STAG1: variants seen among roughly 807,000 people sequenced by gnomAD.
The protein encoded by STAG1 is STAG1 cohesin complex component.
Under a neutral mutation model 170.9 loss-of-function variants are expected in STAG1, and 26 were observed. That is an observed-to-expected ratio of 0.15 (90% CI 0.11 to 0.21). STAG1 has a LOEUF of 0.21. Ranked by LOEUF, STAG1 falls within the 10% of genes least tolerant of loss-of-function variation. STAG1 has a pLI of 1.00. For missense variants in STAG1, 964 were observed against 1,509.5 expected, an observed-to-expected ratio of 0.64 and a Z score of 5.99; for synonymous variants, 514 against 497.7, an observed-to-expected ratio of 1.03 and a Z score of -0.44.
chr3:136,560,428 T>C (rs1936795772), intron 5 of STAG1, among the ~76,000 whole-genome samples: 1 of 152,240 alleles, frequency 6.6e-6, no homozygotes, highest in Non-Finnish European at 1.5e-5. Context: ...ATCTTCATTT[T>C]GCTATGCATA....
At chr3:136,477,447 T>A in intron 9 of STAG1, 35 bp from the exon 10 acceptor site, 1 of 1,562,894 alleles carries the variant, frequency 6.4e-7, no homozygotes, top group Non-Finnish European at 8.6e-7. Flanking sequence ...CTCAAATTAA[T>A]ATACAAAGCT....
chr3:136,622,515 TG>T (rs1939913143), intron 3 of STAG1, among the ~76,000 whole-genome samples: 1 of 152,168 alleles, frequency 6.6e-6, no homozygotes, highest in South Asian at 2.1e-4. Flanking sequence ...GTTCATTATA[TG>T]ATGTCTCCTA....
chr3:136,730,485 T>C (rs1424634050), intron 1 of STAG1, among the ~76,000 whole-genome samples: 11 of 152,206 alleles, frequency 7.2e-5, no homozygotes, highest in Admixed American at 1.3e-4. Context: ...GCCTGTGAAA[T>C]AGGAATAATA....
chr3:136,706,649 T>C (rs572184513), intron 1 of STAG1, among the ~76,000 whole-genome samples: 1 of 152,326 alleles, frequency 6.6e-6, no homozygotes, highest in East Asian at 1.9e-4. Flanking sequence ...CAAAACAACG[T>C]ACAGATTCGG....
In STAG1 at chr3:136,738,816, T is replaced by C. The variant is rs559305824; in HGVS notation, c.-84+13379A>G. Among the ~76,000 whole-genome samples the C allele has an allele frequency of 7.9e-5, 12 of 152,294 alleles. No individual in the cohort carries two copies. In the South Asian group the frequency reaches 1.0e-3, roughly 13 times the overall value. On this transcript the variant is annotated intron_variant, in intron 1 of 33. Coordinates refer to ENST00000383202, the MANE Select transcript of STAG1 (RefSeq NM_005862.3). ...GTGTTTTCACCACACCAAATAAATATGTGAAGAAAAGTATATATTAATTAA... is the reference window on the plus strand; with the variant it reads ...GTGTTTTCACCACACCAAATAAATACGTGAAGAAAAGTATATATTAATTAA...
At chr3:136,466,549 G>A (rs1042238510) in intron 12 of STAG1, among the ~76,000 whole-genome samples, 8 of 152,186 alleles carry the variant, frequency 5.3e-5, no homozygotes, top group Admixed American at 1.3e-4. Flanking sequence ...AAAGTGACAG[G>A]AAGAATGGAA....
At chr3:136,654,262 G>A (rs959615451) in intron 1 of STAG1, among the ~76,000 whole-genome samples, 45 of 152,046 alleles carry the variant, frequency 3.0e-4, no homozygotes, top group Non-Finnish European at 5.4e-4. Flanking sequence ...ACACATAAAA[G>A]CTTTAGAATA....
chr3:136,518,427 A>G, intron 7 of STAG1: 1 of 700,270 alleles, frequency 1.4e-6, no homozygotes. Context: ...TGCAAAGTGA[A>G]TAAAAATGAT....
rs1467610506 is a variant in STAG1, at chr3:136,743,297, G to A, written c.-84+8898C>T. Among the ~76,000 whole-genome samples, 21 of 152,008 alleles carry A rather than the reference G, an allele frequency of 1.4e-4. No individual in the cohort carries two copies. In the East Asian group the frequency reaches 3.9e-3, roughly 28 times the overall value. On this transcript the variant is annotated intron_variant, in intron 1 of 33. Coordinates refer to ENST00000383202, the MANE Select transcript of STAG1 (RefSeq NM_005862.3). ...GCAGGAGAATCAGTTGAACCCAGGA[G>A]GCGGAAGTTACAGTGAGCTAAGATT... is the stretch of plus-strand genomic sequence containing the variant.
intron 1 of STAG1, among the ~76,000 whole-genome samples, chr3:136,698,420 G>A (rs1942960193): frequency 6.6e-6 from 1 of 152,096 alleles, no homozygotes; most frequent in Non-Finnish European, 1.5e-5. Context: ...TCAGGGAAAT[G>A]CAAATTAAAA....
chr3:136,397,481 T>C (rs1258793446), intron 22 of STAG1, among the ~76,000 whole-genome samples: 1 of 151,998 alleles, frequency 6.6e-6, no homozygotes, highest in Non-Finnish European at 1.5e-5. Context: ...CAAAATAGTA[T>C]GAATTCAGGT....
chr3:136,723,515 G>A (rs1361575086), intron 1 of STAG1, among the ~76,000 whole-genome samples: 3 of 152,086 alleles, frequency 2.0e-5, no homozygotes, highest in Admixed American at 6.5e-5. Flanking sequence ...CATCTGGGAA[G>A]TGAGGAGCGT....
intron 4 of STAG1, among the ~76,000 whole-genome samples, chr3:136,584,481 G>A (rs186314453): frequency 3.6e-4 from 55 of 152,262 alleles, no homozygotes; most frequent in Non-Finnish European, 6.8e-4. Flanking sequence ...CCCTTGCCAG[G>A]ATTCCTACCA....
At chr3:136,639,266 T>TC (rs943598559) in intron 1 of STAG1, among the ~76,000 whole-genome samples, 1 of 149,964 alleles carries the variant, frequency 6.7e-6, no homozygotes, top group African/African-American at 2.5e-5. Context: ...GGCGAGGAGG[T>TC]CAAGGATGCA....
At chr3:136,569,367 A>T (rs998315492) in intron 4 of STAG1, among the ~76,000 whole-genome samples, 1 of 151,842 alleles carries the variant, frequency 6.6e-6, no homozygotes, top group Non-Finnish European at 1.5e-5. Flanking sequence ...TTATATATCA[A>T]ATCAGATCTC....
At chr3:136,437,265 C>T (rs972841701) in intron 15 of STAG1, among the ~76,000 whole-genome samples, 4 of 152,206 alleles carry the variant, frequency 2.6e-5, no homozygotes, top group African/African-American at 9.6e-5. Context: ...GTTACTTTAT[C>T]ATTTGAAGCC....
intron 1 of STAG1, among the ~76,000 whole-genome samples, chr3:136,745,518 AG>A (rs1442879069): frequency 6.6e-6 from 1 of 152,230 alleles, no homozygotes; most frequent in East Asian, 1.9e-4. Context: ...CATTAGATAA[AG>A]CACGCAACGT....
chr3:136,570,617 T>C (rs550060818), intron 4 of STAG1, among the ~76,000 whole-genome samples: 1 of 152,346 alleles, frequency 6.6e-6, no homozygotes, highest in East Asian at 1.9e-4. Flanking sequence ...CAATTTCTCA[T>C]AACAAGTTGT....
In STAG1 at chr3:136,704,051, A is replaced by ATT. The variant is rs113353607; in HGVS notation, c.-84+48142_-84+48143dup. 1.8e-4 allele frequency among the ~76,000 whole-genome samples: 24 copies of ATT among 129,972 alleles called. No homozygotes were observed. In the South Asian group the frequency reaches 3.6e-3, roughly 20 times the overall value. 85.3% of individuals were successfully genotyped at this position (129,972 alleles called of 152,430 possible). A position where few individuals can be genotyped will look rare whatever the true frequency, so the allele number is the denominator to read the frequency against. ...AAAAAAACACAGATTGGCATAAATG[A>ATT]TTTTTTTTTTTTTTTTTGAGATGGA... On this transcript the variant is annotated intron_variant, in intron 1 of 33. Coordinates refer to ENST00000383202, the MANE Select transcript of STAG1 (RefSeq NM_005862.3).
Sources: gnomAD v4.1 joint callset for allele counts (sites outside exome capture counted in the v4.1 genomes callset) on GRCh38, gnomAD v4.1.1 for gene constraint, MANE v1.5 for transcripts, NCBI Gene and HGNC (gene_info 2026-07-23, HGNC 2026-07-21) for gene names.